The following TBC1D22A variants were observed in gnomAD, a reference collection of about 807,000 sequenced individuals.
The protein encoded by TBC1D22A is putative GTPase activator.
Under a neutral mutation model 60.2 loss-of-function variants are expected in TBC1D22A, and 38 were observed. The ratio of observed to expected loss-of-function variants is 0.63; its 90% CI spans 0.49 to 0.83. The LOEUF (loss-of-function observed/expected upper bound fraction) is 0.83. Ranked by LOEUF, TBC1D22A falls within the 40% of genes least tolerant of loss-of-function variation. TBC1D22A has a pLI of 0.00. For synonymous variants in TBC1D22A, 302 were observed against 281.7 expected (o/e 1.07, Z -0.72); for missense variants, 628 against 701.0 (o/e 0.90, Z 1.18).
chr22:47,073,570 T>TA (rs1301946290), intron 11 of TBC1D22A, among the ~76,000 whole-genome samples: 7 of 151,988 alleles, frequency 4.6e-5, no homozygotes, highest in Admixed American at 1.3e-4. Flanking sequence ...AATAAAAATT[T>TA]AAAAAAACAC....
chr22:46,892,295 T>TA (rs130980), intron 6 of TBC1D22A, among the ~76,000 whole-genome samples: 99,767 of 145,708 alleles, frequency 0.68, 34,084 homozygotes, highest in Middle Eastern at 0.83. Context: ...GTTTTATCTG[T>TA]AAAAAAAAAA....
chr22:47,158,661 C>G (rs1424717194), intron 12 of TBC1D22A, among the ~76,000 whole-genome samples: 1 of 152,132 alleles, frequency 6.6e-6, no homozygotes, highest in Non-Finnish European at 1.5e-5. Context: ...GCTCAGGACC[C>G]CCTGCAGAGG....
chr22:46,781,485 G>A (rs1016225146), intron 1 of TBC1D22A, among the ~76,000 whole-genome samples: 3 of 152,284 alleles, frequency 2.0e-5, no homozygotes, highest in African/African-American at 4.8e-5. Context: ...CCCAGTTCTC[G>A]TGTTAGACCT....
At position 47,175,476 on chromosome 22, in the gene TBC1D22A, G is replaced by A. The variant is rs549378758; in HGVS notation, c.*1850G>A. On this transcript the variant is annotated 3_prime_UTR_variant, in exon 13 of 13. Transcript: ENST00000337137. ...TCATGCCGTGTGGCCAGAAGGCTGC[G>A]GACACAACTGACCTGCTTCTCGAGG... 2 of 152,148 alleles carry A rather than the reference G, an allele frequency of 1.3e-5. No individual in the cohort carries two copies. Among genetic ancestry groups the A allele is most frequent in the African/African-American group, 4.8e-5 (2 of 41,284 alleles). 9.4% of individuals were successfully genotyped at this position (152,148 alleles called of 1,614,324 possible).
intron 11 of TBC1D22A, among the ~76,000 whole-genome samples, chr22:47,073,569 T>G (rs1049140048): frequency 3.3e-5 from 5 of 151,974 alleles, no homozygotes; most frequent in Admixed American, 3.3e-4. Context: ...AAATAAAAAT[T>G]TAAAAAAACA....
chr22:47,135,533 G>C (rs1447192536), intron 12 of TBC1D22A, among the ~76,000 whole-genome samples: 1 of 152,196 alleles, frequency 6.6e-6, no homozygotes, highest in Non-Finnish European at 1.5e-5. Flanking sequence ...AGTTCCACTC[G>C]GGGGGCGCAG....
chr22:47,042,278 C>T (rs567952039), intron 11 of TBC1D22A, among the ~76,000 whole-genome samples: 107 of 152,254 alleles, frequency 7.0e-4, no homozygotes, highest in Admixed American at 3.4e-3. Flanking sequence ...GAGCAGAGAC[C>T]GGGAGCCAGG....
At chr22:47,163,507 C>T (rs753448229) in intron 12 of TBC1D22A, among the ~76,000 whole-genome samples, 1 of 152,202 alleles carries the variant, frequency 6.6e-6, no homozygotes, top group Admixed American at 6.5e-5. Flanking sequence ...TCAGTCCTCA[C>T]GGAGTCTTGA....
In TBC1D22A at chr22:46,974,276, T is replaced by C. The variant is rs1355978242; in HGVS notation, c.1016-14T>C. On this transcript the variant is annotated splice_polypyrimidine_tract_variant and intron_variant, in intron 8 of 12. Coordinates refer to ENST00000337137, the MANE Select transcript of TBC1D22A (RefSeq NM_014346.5). ...CTAAGTCTCCTTGTCTTTTGCATGC[T>C]CGGCGCCGCCCAGAGGCAGAGGAGG... The C allele has an allele frequency of 1.3e-6, 2 of 1,574,638 alleles. No homozygotes were observed.
intron 4 of TBC1D22A, among the ~76,000 whole-genome samples, chr22:46,807,178 C>T (rs1481295706): frequency 1.3e-5 from 2 of 152,170 alleles, no homozygotes; most frequent in Non-Finnish European, 2.9e-5. Context: ...TCACCACCAG[C>T]GTGGAACGAT....
At chr22:46,802,485 CATGTG>C (rs1180345230) in intron 4 of TBC1D22A, among the ~76,000 whole-genome samples, 2 of 152,164 alleles carry the variant, frequency 1.3e-5, no homozygotes, top group African/African-American at 4.8e-5. Context: ...AATAGAGCTT[CATGTG>C]CTTGAGGGGT....
chr22:46,876,805 C>G (rs1412403403), intron 4 of TBC1D22A, among the ~76,000 whole-genome samples: 2 of 152,226 alleles, frequency 1.3e-5, no homozygotes, highest in African/African-American at 4.8e-5. Flanking sequence ...ACTCCCCACC[C>G]CCAGGGCTGC....
chr22:46,932,720 C>CTTTTTTTTTTTT lies in TBC1D22A; in HGVS notation c.1015+20543_1015+20554dup, dbSNP rs67463903. The stretch of plus-strand genomic sequence containing the variant: ...AGTGCAGTGTGCGTTGTCCTTCTTG[C>CTTTTTTTTTTTT]TTTTTTTTTTTTTTTTTTTTTTGAG... On this transcript the variant is annotated intron_variant, in intron 8 of 12. Transcript: ENST00000337137. Among the ~76,000 whole-genome samples the CTTTTTTTTTTTT allele has an allele frequency of 6.5e-4, 43 of 66,324 alleles. 7 individuals are homozygous for CTTTTTTTTTTTT. Among genetic ancestry groups the CTTTTTTTTTTTT allele is most frequent in the African/African-American group, 2.8e-3 (42 of 14,756 alleles). The allele number at this position is 66,324 out of a possible 152,430, so 43.5% of individuals were successfully genotyped here.
At chr22:47,056,587 A>G (rs2063401681) in intron 11 of TBC1D22A, among the ~76,000 whole-genome samples, 1 of 152,070 alleles carries the variant, frequency 6.6e-6, no homozygotes, top group African/African-American at 2.4e-5. Context: ...GTGCACAGCC[A>G]CCATCCTGTC....
chr22:47,098,298 G>A (rs1439903970), intron 11 of TBC1D22A, among the ~76,000 whole-genome samples: 1 of 152,146 alleles, frequency 6.6e-6, no homozygotes, highest in Non-Finnish European at 1.5e-5. Context: ...CTTTTCCCAG[G>A]GTGAGCGTTT....
At chr22:46,913,628 A>G (rs1371127131) in intron 8 of TBC1D22A, 2 of 985,320 alleles carry the variant, frequency 2.0e-6, no homozygotes, top group South Asian at 4.7e-5. Flanking sequence ...CATTTGACAG[A>G]TAATGAAAAT....
chr22:46,873,588 G>T (rs1300115425), intron 4 of TBC1D22A, among the ~76,000 whole-genome samples: 1 of 152,124 alleles, frequency 6.6e-6, no homozygotes, highest in Non-Finnish European at 1.5e-5. Context: ...TGTCATGGGG[G>T]TTTGTTGTAC....
chr22:46,805,377 G>A (rs76453446), intron 4 of TBC1D22A, among the ~76,000 whole-genome samples: 2,983 of 152,320 alleles, frequency 0.02, 96 homozygotes, highest in African/African-American at 0.068. Context: ...AAAAGCAGAC[G>A]CAAGGACTTT....
intron 8 of TBC1D22A, among the ~76,000 whole-genome samples, chr22:46,959,382 C>G (rs1007812700): frequency 6.6e-6 from 1 of 152,158 alleles, no homozygotes; most frequent in African/African-American, 2.4e-5. Context: ...GGTTGGTTGG[C>G]GGGGCCAGGT....
Sources: allele counts gnomAD v4.1 joint callset (sites outside exome capture counted in the v4.1 genomes callset), GRCh38; gene constraint gnomAD v4.1.1; transcripts MANE v1.5; gene names NCBI Gene and HGNC (gene_info 2026-07-23, HGNC 2026-07-21).